Variants in ARHGAP29 observed in about 807,000 individuals in gnomAD.
The protein encoded by ARHGAP29 is Rho GTPase activating protein 29.
ARHGAP29 carries 43 observed loss-of-function variants against 122.6 expected under a neutral mutation model. The ratio of observed to expected loss-of-function variants is 0.35; its 90% CI spans 0.27 to 0.45. The LOEUF (loss-of-function observed/expected upper bound fraction) is 0.45, where lower values mean the gene tolerates loss of function less well. Ranked by LOEUF, ARHGAP29 falls within the 20% of genes least tolerant of loss-of-function variation. The pLI is 1.00. For synonymous variants in ARHGAP29, 506 were observed against 497.1 expected (o/e 1.02, Z -0.24); for missense variants, 1,303 against 1,477.2 (o/e 0.88, Z 1.93).
the ARHGAP29 span, among the ~76,000 whole-genome samples, chr1:94,307,085 C>A: frequency 6.6e-6 from 1 of 152,120 alleles, no homozygotes; most frequent in African/African-American, 2.4e-5. Flanking sequence ...GAAAGGAAGA[C>A]AAAGAAATAA....
chr1:94,185,154 T>A lies in ARHGAP29; in HGVS notation c.1921-94A>T, dbSNP rs1248728660. The A allele has an allele frequency of 3.9e-6, 5 of 1,286,922 alleles. No homozygotes were observed. The East Asian group carries it at 9.9e-5, about 26-fold the overall frequency. 79.7% of individuals were successfully genotyped at this position (1,286,922 alleles called of 1,614,324 possible). A position where few individuals can be genotyped will look rare whatever the true frequency, so the allele number is the denominator to read the frequency against. Reference sequence around the variant, plus strand: ...GAAGGTAACACAACAAAAATGAGTTTAAGAGGTATTACTTGCGCTATTTGA... The same window carrying A: ...GAAGGTAACACAACAAAAATGAGTTAAAGAGGTATTACTTGCGCTATTTGA... On this transcript the variant is annotated intron_variant, in intron 17 of 22. Transcript: ENST00000260526.
chr1:94,282,367 C>A, the ARHGAP29 span, among the ~76,000 whole-genome samples: 8 of 151,884 alleles, frequency 5.3e-5, no homozygotes, highest in Non-Finnish European at 1.2e-4. Flanking sequence ...CTTACTGCAG[C>A]CTTGACCTCC....
At position 94,178,143 on chromosome 1, in the gene ARHGAP29, G is replaced by A. The variant is rs746545400; in HGVS notation, c.2505C>T (p.Asn835=). The change falls in exon 21 of 23, where the codon AAC becomes AAT. Residue 835 remains asparagine (N), a synonymous_variant. Coordinates refer to ENST00000260526, the MANE Select transcript of ARHGAP29 (RefSeq NM_004815.4). The part of the protein sequence containing the change: ...LKRVVDHAEE[N]KMNSKNLGVI... ...CCCCCAAGTTTTTGGAGTTCATCTT[G>A]TTTTCTTCTGCATGATCTACTACCC... 2 of 1,613,760 alleles carry A rather than the reference G, an allele frequency of 1.2e-6. No homozygotes were observed. The highest frequency in any genetic ancestry group is 2.2e-5 in the East Asian group (1 of 44,870).
At chr1:94,217,415 T>C (rs1165710974) in intron 3 of ARHGAP29, among the ~76,000 whole-genome samples, 2 of 151,838 alleles carry the variant, frequency 1.3e-5, no homozygotes, top group Non-Finnish European at 2.9e-5. Flanking sequence ...ATACCTGTAA[T>C]CCTAGCTACT....
intron 19 of ARHGAP29, among the ~76,000 whole-genome samples, chr1:94,180,835 G>C (rs1486167741): frequency 6.6e-6 from 1 of 152,188 alleles, no homozygotes; most frequent in Non-Finnish European, 1.5e-5. Context: ...TCCTGAGACA[G>C]AATGAGAGCT....
the ARHGAP29 span, among the ~76,000 whole-genome samples, chr1:94,280,554 T>C: frequency 6.6e-6 from 1 of 152,286 alleles, no homozygotes; most frequent in East Asian, 1.9e-4. Flanking sequence ...GACAGATGAA[T>C]AGAATTTCTA....
intron 1 of ARHGAP29, among the ~76,000 whole-genome samples, chr1:94,245,071 TAATTTCAGCTAGACTGA>T (rs1653738509): frequency 1.3e-5 from 2 of 152,320 alleles, no homozygotes; most frequent in South Asian, 4.1e-4. Flanking sequence ...GAAGAAATTT[TAATTTCAGCTAGACTGA>T]AATACTAAGT....
chr1:94,304,606 T>A, the ARHGAP29 span, among the ~76,000 whole-genome samples: 245 of 152,370 alleles, frequency 1.6e-3, no homozygotes, highest in African/African-American at 5.7e-3. Flanking sequence ...GCTGTTCATG[T>A]CTTAGCTTCA....
chr1:94,177,315 T>G (rs1366419928), intron 22 of ARHGAP29: 3 of 248,838 alleles, frequency 1.2e-5, no homozygotes, highest in African/African-American at 6.9e-5. Context: ...AACACATTTC[T>G]ACCTTGATTT....
chr1:94,205,696 A>G lies in ARHGAP29; in HGVS notation c.511-13T>C. The G allele has an allele frequency of 1.2e-6, 2 of 1,608,226 alleles. No individual in the cohort carries two copies. The highest frequency in any genetic ancestry group is 4.5e-5 in the East Asian group (2 of 44,706). Reference sequence around the variant, plus strand: ...CATTTTCAAACGACTTACAACATGGAAAAAGATAAATTTAAAATTAGAGAA... The same window carrying G: ...CATTTTCAAACGACTTACAACATGGGAAAAGATAAATTTAAAATTAGAGAA... On this transcript the variant is annotated splice_polypyrimidine_tract_variant and intron_variant, in intron 5 of 22. Coordinates refer to ENST00000260526, the MANE Select transcript of ARHGAP29 (RefSeq NM_004815.4).
Position 94,185,690 on chromosome 1 carries a change from A to G in ARHGAP29, c.1781-209T>C, listed in dbSNP as rs184247759. Among the ~76,000 whole-genome samples, 46 of 152,322 alleles carry G rather than the reference A, an allele frequency of 3.0e-4. No individual in the cohort carries two copies. In the East Asian group the frequency reaches 7.3e-3, roughly 24 times the overall value. ...GGCACATTTATGAAACATTTTAGCT[A>G]TGAGTAAAAATCGTCACCAAGTCAC... On this transcript the variant is annotated intron_variant, in intron 16 of 22. Coordinates refer to ENST00000260526, the MANE Select transcript of ARHGAP29 (RefSeq NM_004815.4).
intron 3 of ARHGAP29, among the ~76,000 whole-genome samples, chr1:94,213,875 T>C (rs1353497645): frequency 1.3e-5 from 2 of 152,214 alleles, no homozygotes; most frequent in East Asian, 3.9e-4. Flanking sequence ...ATTATTATCA[T>C]ATAACACAAA....
chr1:94,272,885 G>GCCT (rs1327533625), intron 1 of ARHGAP29, among the ~76,000 whole-genome samples: 6 of 152,310 alleles, frequency 3.9e-5, no homozygotes, highest in African/African-American at 1.2e-4. Flanking sequence ...ATGACCCAGA[G>GCCT]CAGAGGGACC....
intron 2 of ARHGAP29, among the ~76,000 whole-genome samples, chr1:94,223,650 C>T (rs1359778175): frequency 2.6e-5 from 4 of 151,662 alleles, no homozygotes; most frequent in Admixed American, 2.0e-4. Context: ...TAGCCAAAAC[C>T]TCAATTACTT....
chr1:94,281,166 G>A, the ARHGAP29 span, among the ~76,000 whole-genome samples: 1 of 152,030 alleles, frequency 6.6e-6, no homozygotes, highest in Non-Finnish European at 1.5e-5. Flanking sequence ...AAGGTATATT[G>A]GTGTATACAT....
chr1:94,281,837 A>AT, the ARHGAP29 span, among the ~76,000 whole-genome samples: 291 of 152,040 alleles, frequency 1.9e-3, 2 homozygotes, highest in Middle Eastern at 3.4e-3. Context: ...GCTGGGGAAT[A>AT]TTTTTTTCCC....
intron 7 of ARHGAP29, 28 bp from the exon 8 acceptor site, chr1:94,204,022 G>A (rs1651034475): frequency 1.9e-6 from 3 of 1,587,520 alleles, no homozygotes; most frequent in African/African-American, 1.3e-5. Context: ...GGTATCAGAA[G>A]GTAAAATCAA....
chr1:94,281,641 AC>A, the ARHGAP29 span, among the ~76,000 whole-genome samples: 1 of 152,212 alleles, frequency 6.6e-6, no homozygotes, highest in Non-Finnish European at 1.5e-5. Context: ...AATTATGTGC[AC>A]ATAGACTTCT....
At chr1:94,237,727 C>G, upstream of ARHGAP29, 1 of 985,282 alleles carries the variant, frequency 1.0e-6, no homozygotes. Flanking sequence ...CTAGCTCGCG[C>G]GCAGAACGCG....
Sources: allele counts gnomAD v4.1 joint callset (sites outside exome capture counted in the v4.1 genomes callset), GRCh38; gene constraint gnomAD v4.1.1; transcripts MANE v1.5; gene names NCBI Gene and HGNC (gene_info 2026-07-23, HGNC 2026-07-21).